Variants in KNTC1 observed in about 807,000 individuals in gnomAD.
KNTC1 encodes the protein kinetochore-associated protein 1.
KNTC1 carries 253 observed loss-of-function variants against 314.4 expected under a neutral mutation model. The observed-to-expected ratio is 0.80, with a 90% CI of 0.73 to 0.89. KNTC1 has a LOEUF of 0.89. KNTC1 is among the 40% of genes least tolerant of loss of function. The pLI, the probability that KNTC1 is intolerant of heterozygous loss-of-function variation, is 0.00. For synonymous variants in KNTC1, 901 were observed against 901.4 expected, an observed-to-expected ratio of 1.00 and a Z score of 0.01; for missense variants, 2,475 against 2,572.9, an observed-to-expected ratio of 0.96 and a Z score of 0.82.
chr12:122,542,084 A>G lies in KNTC1; in HGVS notation c.480A>G (p.Gly160=), dbSNP rs190155251. The change falls in exon 6 of 64, where the codon GGA becomes GGG. Residue 160 remains glycine, a synonymous_variant. Transcript: ENST00000333479. ...TYYMLLLTYS[G]FFCITNLQLL... ...ATATGCTACTTCTTACATACAGTGG[A>G]TTTTTTTGTATTACAAACCTTCAGC... 215 of 1,540,566 alleles carry G rather than the reference A, an allele frequency of 1.4e-4. No individual in the cohort carries two copies. In the African/African-American group the frequency reaches 2.6e-3, roughly 19 times the overall value.
At chr12:122,601,508 G>T in intron 44 of KNTC1, 28 bp from the exon 45 acceptor site, 1 of 1,497,218 alleles carries the variant, frequency 6.7e-7, no homozygotes, top group Non-Finnish European at 8.9e-7. Context: ...GTCTTATCAA[G>T]TTTTGATATA....
At chr12:122,605,439 A>G (rs1872489075) in intron 51 of KNTC1, 24 bp downstream of exon 51, 1 of 1,237,068 alleles carries the variant, frequency 8.1e-7, no homozygotes, top group South Asian at 1.3e-5. Context: ...GCCCAAGAGT[A>G]TCTGTAGTTG....
At chr12:122,558,788 A>G (rs1335984868) in intron 18 of KNTC1, among the ~76,000 whole-genome samples, 1 of 152,112 alleles carries the variant, frequency 6.6e-6, no homozygotes, top group Non-Finnish European at 1.5e-5. Flanking sequence ...AGGCATGAGA[A>G]TTGCTTGAAC....
chr12:122,617,431 T>C (rs1359340339), intron 57 of KNTC1: 1 of 450,336 alleles, frequency 2.2e-6, no homozygotes, highest in Non-Finnish European at 4.5e-6. Context: ...CTATGTTGCC[T>C]AGGCTGGTCT....
intron 20 of KNTC1, among the ~76,000 whole-genome samples, chr12:122,564,031 C>G (rs1424405294): frequency 6.6e-6 from 1 of 152,152 alleles, no homozygotes; most frequent in Non-Finnish European, 1.5e-5. Flanking sequence ...AGGCTGGAGT[C>G]CAGCGATGCT....
intron 38 of KNTC1, among the ~76,000 whole-genome samples, chr12:122,587,244 AC>A (rs1253027083): frequency 2.6e-5 from 4 of 152,142 alleles, no homozygotes; most frequent in Admixed American, 2.6e-4. Context: ...GCACTACTGT[AC>A]TCCAGCCTGG....
intron 36 of KNTC1, 25 bp downstream of exon 36, chr12:122,585,015 C>G: frequency 7.2e-7 from 1 of 1,382,654 alleles, no homozygotes; most frequent in South Asian, 1.2e-5. Context: ...AGTTTTTTCC[C>G]TTAAATCCTG....
At chr12:122,556,381 T>C (rs1963594023) in intron 16 of KNTC1, among the ~76,000 whole-genome samples, 1 of 151,978 alleles carries the variant, frequency 6.6e-6, no homozygotes, top group Non-Finnish European at 1.5e-5. Context: ...CTGAAACTCA[T>C]TCCTCCTTCT....
At chr12:122,577,406 A>G (rs1965101618) in intron 30 of KNTC1, among the ~76,000 whole-genome samples, 1 of 152,180 alleles carries the variant, frequency 6.6e-6, no homozygotes. Context: ...TAGCTGATGC[A>G]TGCAGGGCTT....
intron 13 of KNTC1, 89 bp from the exon 14 acceptor site, chr12:122,551,230 A>G (rs2137776701): frequency 1.2e-6 from 1 of 860,638 alleles, no homozygotes; most frequent in Non-Finnish European, 1.9e-6. Flanking sequence ...TTGATGGATA[A>G]TTCATGCCTG....
intron 48 of KNTC1, 73 bp downstream of exon 48, chr12:122,603,316 C>T (rs537124072): frequency 1.9e-6 from 2 of 1,038,020 alleles, no homozygotes; most frequent in South Asian, 1.7e-5. Flanking sequence ...TAAGGAGAAG[C>T]AGGATGGTAG....
At chr12:122,569,508 A>T (rs1021705) in intron 21 of KNTC1, among the ~76,000 whole-genome samples, 173 bp from the exon 22 acceptor site, 48,266 of 152,106 alleles carry the variant, frequency 0.32, 9,184 homozygotes, top group Admixed American at 0.4. Context: ...GACATTGCAT[A>T]CAGTATGCAG....
At chr12:122,542,471 A>G (rs1447632712) in intron 6 of KNTC1, among the ~76,000 whole-genome samples, 2 of 152,202 alleles carry the variant, frequency 1.3e-5, no homozygotes, top group African/African-American at 4.8e-5. Flanking sequence ...TGTAGTGTTA[A>G]TAGTGCAGAA....
rs556183893 is a variant in KNTC1, at chr12:122,530,077, T to C, written c.14T>C (p.Ile5Thr). MWND[I>T]ELLTNDDTGS... ...AGTCTCAGAAACATGTGGAATGATA[T>C]TGAGCTGCTAACAAATGATGATACC... The change falls in exon 2 of 64, where the codon ATT becomes ACT. Residue 5 changes from isoleucine to threonine, a missense_variant. Physicochemically the swap from Ile to Thr is moderately conservative, Grantham distance 89 (BLOSUM62 -1). Transcript: ENST00000333479. 6.8e-6 allele frequency: 11 copies of C among 1,613,750 alleles called. No homozygotes were observed. Among genetic ancestry groups the C allele is most frequent in the African/African-American group, 6.7e-5 (5 of 75,046 alleles).
chr12:122,605,189 T>G, intron 50 of KNTC1, 102 bp downstream of exon 50: 1 of 1,051,090 alleles, frequency 9.5e-7, no homozygotes, highest in Non-Finnish European at 1.4e-6. Context: ...TTACATATGC[T>G]TATATATGTA....
At chr12:122,601,466 A>G in intron 44 of KNTC1, 70 bp from the exon 45 acceptor site, 1 of 1,244,928 alleles carries the variant, frequency 8.0e-7, no homozygotes, top group Non-Finnish European at 1.1e-6. Flanking sequence ...TGTGCTGATT[A>G]TTGTAATTGA....
chr12:122,543,687 TGTA>T (rs1962526745), intron 7 of KNTC1, 53 bp downstream of exon 7: 3 of 1,059,158 alleles, frequency 2.8e-6, no homozygotes, highest in Non-Finnish European at 2.8e-6. Context: ...TTAATATTAA[TGTA>T]GTAGAATGTT....
In KNTC1 at chr12:122,551,620, G is replaced by A; in HGVS notation, c.1197-1G>A. The A allele has an allele frequency of 6.2e-7, 1 of 1,613,368 alleles. No individual in the cohort carries two copies. Among genetic ancestry groups the A allele is most frequent in the African/African-American group, 1.3e-5 (1 of 74,964 alleles). On this transcript the variant is annotated splice_acceptor_variant, in intron 15 of 63. Transcript: ENST00000333479. LOFTEE classifies it high-confidence loss of function. ...ACAAAATTTCTCTTCCAACTTAACA[G>A]ATTGAGTCGGTTACTTCACAAACAC...
At chr12:122,615,918 C>T (rs995164138) in intron 57 of KNTC1, among the ~76,000 whole-genome samples, 4 of 152,102 alleles carry the variant, frequency 2.6e-5, no homozygotes, top group African/African-American at 7.2e-5. Flanking sequence ...CCAGGCCTCA[C>T]GAGTCACATC....
Sources: gnomAD v4.1 joint callset for allele counts (sites outside exome capture counted in the v4.1 genomes callset) on GRCh38, gnomAD v4.1.1 for gene constraint, MANE v1.5 for transcripts, NCBI Gene and HGNC (gene_info 2026-07-23, HGNC 2026-07-21) for gene names.